Variants in PLAGL1 observed in about 807,000 individuals in gnomAD.
PLAGL1 encodes PLAG1 like zinc finger 1, also known as zinc finger protein PLAGL1.
A neutral mutation model predicts 4.6 loss-of-function variants in PLAGL1; 1 was observed. That is an observed-to-expected ratio of 0.22 (90% CI 0.08 to 1.03). The LOEUF is 1.03. PLAGL1 is among the 50% of genes least tolerant of loss of function. PLAGL1 has a pLI of 0.58. For synonymous variants in PLAGL1, 240 were observed against 237.8 expected, an observed-to-expected ratio of 1.01 and a Z score of -0.08; for missense variants, 464 against 570.4, an observed-to-expected ratio of 0.81 and a Z score of 1.90.
chr6:144,009,983 G>C (rs1795036968), upstream of PLAGL1, among the ~76,000 whole-genome samples: 1 of 152,100 alleles, frequency 6.6e-6, no homozygotes, highest in Non-Finnish European at 1.5e-5. Flanking sequence ...AAACATACGT[G>C]TGCATGTGTC....
In PLAGL1 at chr6:144,022,806, G is replaced by A. The variant is rs1796069648; in HGVS notation, c.-151+41662C>T. Among the ~76,000 whole-genome samples the A allele has an allele frequency of 6.6e-6, 1 of 152,188 alleles. No homozygotes were observed. Among genetic ancestry groups the A allele is most frequent in the African/African-American group, 2.4e-5 (1 of 41,438 alleles). On this transcript the variant is annotated intron_variant, in intron 1 of 3. Coordinates refer to the PLAGL1 transcript ENST00000437412. This position sits in a 1 kb window ranked among gnomAD's most constrained non-coding sequence, Gnocchi z 4.2. ...ACCTCTTTCCTTTATAAATTATGCA[G>A]TCTCAGGTATGTCTTTATTGCAGCA... is the stretch of plus-strand genomic sequence containing the variant.
intron 1 of PLAGL1, among the ~76,000 whole-genome samples, chr6:143,991,912 A>C (rs1257544807): frequency 6.6e-6 from 1 of 152,198 alleles, no homozygotes. Flanking sequence ...ATCCCAGAAC[A>C]TTAAGAGAAG....
chr6:143,958,791 A>G lies in PLAGL1; in HGVS notation c.-325+1678T>C, dbSNP rs1782725294. 2.0e-5 allele frequency among the ~76,000 whole-genome samples: 3 copies of G among 152,346 alleles called. No individual in the cohort carries two copies. Among genetic ancestry groups the G allele is most frequent in the East Asian group, 3.9e-4 (2 of 5,186 alleles). On this transcript the variant is annotated intron_variant, in intron 6 of 7. Coordinates refer to ENST00000674357, the MANE Select transcript of PLAGL1 (RefSeq NM_001317162.2). The surrounding 1 kb of genome is among the most constrained non-coding windows in gnomAD (Gnocchi z 5.1). ...AAAATGGCACTGAAGAGACAAGGCA[A>G]GTTTTCCAAGCGACAACACTGGCTT...
At position 144,056,254 on chromosome 6, in the gene PLAGL1, C is replaced by T. The variant is rs1798956522; in HGVS notation, c.-151+8214G>A. 6.6e-6 allele frequency among the ~76,000 whole-genome samples: 1 copy of T among 152,184 alleles called. No individual in the cohort carries two copies. Among genetic ancestry groups the T allele is most frequent in the Non-Finnish European group, 1.5e-5 (1 of 68,038 alleles). ...CATCTTACATGTCCCATCCCCCACA[C>T]ACGCACAGCCTCCCCTATTACCGGC... is the stretch of plus-strand genomic sequence containing the variant. On this transcript the variant is annotated intron_variant, in intron 1 of 3. Coordinates refer to the PLAGL1 transcript ENST00000437412. This position sits in a 1 kb window ranked among gnomAD's most constrained non-coding sequence, Gnocchi z 4.7.
chr6:144,012,842 G>A (rs77144949), upstream of PLAGL1, among the ~76,000 whole-genome samples: 92 of 152,290 alleles, frequency 6.0e-4, no homozygotes, highest in East Asian at 0.014. This position sits in a 1 kb window ranked among gnomAD's most constrained non-coding sequence, Gnocchi z 4.8. Flanking sequence ...GAGGAACAAT[G>A]GGACTGTGGT....
rs1791361047 is a variant in PLAGL1 at position 143,995,206 on chromosome 6, A to C, written c.-583-10032T>G. 6.6e-6 allele frequency among the ~76,000 whole-genome samples: 1 copy of C among 152,252 alleles called. No individual in the cohort carries two copies. The highest frequency in any genetic ancestry group is 6.5e-5 in the Admixed American group (1 of 15,282). On this transcript the variant is annotated intron_variant, in intron 1 of 7. Transcript: ENST00000674357. This position sits in a 1 kb window ranked among gnomAD's most constrained non-coding sequence, Gnocchi z 4.4. ...TTCACAACAAGTGGTCAACACAGAA[A>C]ATATTCACAATAAAGCAAGGTCCCT...
rs1784180812 is a variant in PLAGL1 at position 143,965,116 on chromosome 6, A to G, written c.-430-298T>C. Reference sequence around the variant, plus strand: ...GGAGAGAAGATCCTAACCCAAAAGAAAGGATATAAATCTTTAATGTGTCAA... The same window carrying G: ...GGAGAGAAGATCCTAACCCAAAAGAGAGGATATAAATCTTTAATGTGTCAA... On this transcript the variant is annotated intron_variant, in intron 4 of 7. Coordinates refer to ENST00000674357, the MANE Select transcript of PLAGL1 (RefSeq NM_001317162.2). The surrounding 1 kb of genome is among the most constrained non-coding windows in gnomAD (Gnocchi z 7.5). 6.6e-6 allele frequency: 1 copy of G among 152,214 alleles called. No individual in the cohort carries two copies. The highest frequency in any genetic ancestry group is 1.5e-5 in the Non-Finnish European group (1 of 68,050). The allele number at this position is 152,214 out of a possible 1,614,324, so 9.4% of individuals were successfully genotyped here. A position where few individuals can be genotyped will look rare whatever the true frequency, so the allele number is the denominator to read the frequency against.
intron 1 of PLAGL1, among the ~76,000 whole-genome samples, chr6:144,057,341 C>G (rs1038517422): frequency 6.6e-6 from 1 of 152,118 alleles, no homozygotes; most frequent in African/African-American, 2.4e-5. Context: ...TTTTACTTCT[C>G]CTAAACAAGT....
chr6:144,001,629 C>T (rs2128658911), intron 1 of PLAGL1, among the ~76,000 whole-genome samples: 1 of 152,210 alleles, frequency 6.6e-6, no homozygotes, highest in Admixed American at 6.5e-5. Flanking sequence ...TGTGGACTTT[C>T]TCCTAACAAA....
In PLAGL1 at chr6:143,997,125, A is replaced by C. The variant is rs1791801828; in HGVS notation, c.-584+10965T>G. Among the ~76,000 whole-genome samples the C allele has an allele frequency of 6.6e-6, 1 of 152,212 alleles. No homozygotes were observed. The highest frequency in any genetic ancestry group is 2.1e-4 in the South Asian group (1 of 4,830). On this transcript the variant is annotated intron_variant, in intron 1 of 7. Coordinates refer to ENST00000674357, the MANE Select transcript of PLAGL1 (RefSeq NM_001317162.2). This position sits in a 1 kb window ranked among gnomAD's most constrained non-coding sequence, Gnocchi z 4.6. ...CCATGAAGCCATGAGATATCACCTC[A>C]AACCCACCAGAGGGCTTAAAGCGAA... is the stretch of plus-strand genomic sequence containing the variant.
chr6:144,051,560 T>G (rs943910070), intron 1 of PLAGL1, among the ~76,000 whole-genome samples: 2 of 152,246 alleles, frequency 1.3e-5, no homozygotes, highest in Non-Finnish European at 2.9e-5. Flanking sequence ...CATTTCATGT[T>G]GCAACCAAGT....
rs916255617 is a variant in PLAGL1, at chr6:143,958,020, C to T, written c.-325+2449G>A. ...GCAGAGGGGAGAACAGAGAAGAGCT[C>T]GGAGTCATGAAGCAGCATAGGGCAA... On this transcript the variant is annotated intron_variant, in intron 6 of 7. Coordinates refer to ENST00000674357, the MANE Select transcript of PLAGL1 (RefSeq NM_001317162.2). This position sits in a 1 kb window ranked among gnomAD's most constrained non-coding sequence, Gnocchi z 5.1. Among the ~76,000 whole-genome samples the T allele has an allele frequency of 5.3e-5, 8 of 152,080 alleles. No homozygotes were observed. The highest frequency in any genetic ancestry group is 1.9e-4 in the African/African-American group (8 of 41,416).
intron 1 of PLAGL1, chr6:144,007,224 T>C (rs1005868187): frequency 2.6e-5 from 4 of 152,214 alleles, no homozygotes; most frequent in African/African-American, 9.7e-5. Flanking sequence ...ACAGTATTAA[T>C]CACTTACCAT....
intron 1 of PLAGL1, among the ~76,000 whole-genome samples, chr6:144,030,502 AC>A (rs1412075490): frequency 6.6e-6 from 1 of 151,982 alleles, no homozygotes; most frequent in Admixed American, 6.6e-5. Context: ...CCACCTCCCA[AC>A]CTTTTCCCCC....
rs1360945290 is a variant in PLAGL1 at position 143,990,196 on chromosome 6, C to T, written c.-583-5022G>A. Among the ~76,000 whole-genome samples, 3 of 152,038 alleles carry T rather than the reference C, an allele frequency of 2.0e-5. No individual in the cohort carries two copies. Among genetic ancestry groups the T allele is most frequent in the Non-Finnish European group, 4.4e-5 (3 of 68,024 alleles). ...AGTGCAGTGGCATGATCTCAGCTCA[C>T]TGCAACCTCCGCCTACCGGGTTCAA... On this transcript the variant is annotated intron_variant, in intron 1 of 7. Coordinates refer to ENST00000674357, the MANE Select transcript of PLAGL1 (RefSeq NM_001317162.2). The surrounding 1 kb of genome is among the most constrained non-coding windows in gnomAD (Gnocchi z 5.4).
chr6:144,020,199 A>T (rs1173234868), intron 1 of PLAGL1, among the ~76,000 whole-genome samples: 1 of 152,178 alleles, frequency 6.6e-6, no homozygotes, highest in East Asian at 1.9e-4. Flanking sequence ...CAGCACCCTA[A>T]TCTTGCACTT....
In PLAGL1 at chr6:144,027,238, A is replaced by AGAAAGAACGAAC. The variant is rs1375702472; in HGVS notation, c.-151+37229_-151+37230insGTTCGTTCTTTC. On this transcript the variant is annotated intron_variant, in intron 1 of 3. Coordinates refer to the PLAGL1 transcript ENST00000437412. The surrounding 1 kb of genome is among the most constrained non-coding windows in gnomAD (Gnocchi z 5.8). ...GACCCCAACTCAAAGAACGAACGAA[A>AGAAAGAACGAAC]GAAAGAAAGAAAGAAAGAAAGAAAG... Among the ~76,000 whole-genome samples, 450 of 65,402 alleles carry AGAAAGAACGAAC rather than the reference A, an allele frequency of 6.9e-3. 3 individuals carry two copies. Among genetic ancestry groups the AGAAAGAACGAAC allele is most frequent in the South Asian group, 0.039 (63 of 1,632 alleles). 42.9% of individuals were successfully genotyped at this position (65,402 alleles called of 152,430 possible). A position where few individuals can be genotyped will look rare whatever the true frequency, so the allele number is the denominator to read the frequency against.
In PLAGL1 at chr6:143,989,257, C is replaced by T. The variant is rs1419187110; in HGVS notation, c.-583-4083G>A. ...CAGGGAGGACTCAGAGATGAGTTCT[C>T]ATCCCTGGAGAGTGTGATATGACAG... On this transcript the variant is annotated intron_variant, in intron 1 of 7. Coordinates refer to ENST00000674357, the MANE Select transcript of PLAGL1 (RefSeq NM_001317162.2). The surrounding 1 kb of genome is among the most constrained non-coding windows in gnomAD (Gnocchi z 4.8). 6.6e-6 allele frequency among the ~76,000 whole-genome samples: 1 copy of T among 152,186 alleles called. No homozygotes were observed. The highest frequency in any genetic ancestry group is 1.5e-5 in the Non-Finnish European group (1 of 68,024).
At chr6:143,996,283 T>C (rs1259706617) in intron 1 of PLAGL1, among the ~76,000 whole-genome samples, 1 of 152,204 alleles carries the variant, frequency 6.6e-6, no homozygotes, top group Non-Finnish European at 1.5e-5. Context: ...GATGTCTGCA[T>C]GTATGATTAC....
Sources: allele counts gnomAD v4.1 joint callset (sites outside exome capture counted in the v4.1 genomes callset), GRCh38; gene constraint gnomAD v4.1.1; non-coding constraint Gnocchi (gnomAD v3.1); transcripts MANE v1.5; gene names NCBI Gene and HGNC (gene_info 2026-07-23, HGNC 2026-07-21).